WDFY3: variants seen among roughly 807,000 people sequenced by gnomAD.
The protein encoded by WDFY3 is WD repeat and FYVE domain-containing protein 3.
A neutral mutation model predicts 409.6 loss-of-function variants in WDFY3; 66 were observed. That is an observed-to-expected ratio of 0.16 (90% CI 0.13 to 0.20). WDFY3 has a LOEUF of 0.20. WDFY3 is among the 10% of genes least tolerant of loss of function. WDFY3 has a pLI of 1.00. For synonymous variants in WDFY3, 1,521 were observed against 1,537.1 expected (o/e 0.99, Z 0.25); for missense variants, 3,031 against 4,298.1 (o/e 0.71, Z 8.24).
At chr4:84,749,888 G>A (rs998459255) in intron 36 of WDFY3, among the ~76,000 whole-genome samples, 2 of 151,916 alleles carry the variant, frequency 1.3e-5, no homozygotes, top group Non-Finnish European at 2.9e-5. Context: ...CTTACTTCAA[G>A]GTTAATACAT....
intron 27 of WDFY3, among the ~76,000 whole-genome samples, chr4:84,776,079 A>G (rs1745498977): frequency 6.6e-6 from 1 of 152,068 alleles, no homozygotes; most frequent in Non-Finnish European, 1.5e-5. Flanking sequence ...ATGTTTTTTG[A>G]AAATAATTGA....
rs542847754 is a variant in WDFY3 at position 84,893,872 on chromosome 4, C to A, written c.-32+3039G>T. On this transcript the variant is annotated intron_variant, in intron 3 of 67. Transcript: ENST00000295888. ...AGATGTGGTGGCCAGCGCCTGTAAT[C>A]CCAGCTACTCAGGAGGCTGAGGCAG... is the stretch of plus-strand genomic sequence containing the variant. 9.9e-5 allele frequency among the ~76,000 whole-genome samples: 15 copies of A among 152,106 alleles called. 1 individual carries two copies. The South Asian group carries it at 3.1e-3, about 32-fold the overall frequency.
At chr4:84,839,730 C>T (rs1354796044) in intron 6 of WDFY3, among the ~76,000 whole-genome samples, 8 of 151,808 alleles carry the variant, frequency 5.3e-5, no homozygotes, top group Admixed American at 2.0e-4. Context: ...TGGTGGCGCG[C>T]GCCTGTAATC....
At chr4:84,738,863 C>G in intron 40 of WDFY3, 147 bp downstream of exon 40, 1 of 654,216 alleles carries the variant, frequency 1.5e-6, no homozygotes. Flanking sequence ...CTGTTATTGG[C>G]ATGAGGAGAC....
intron 27 of WDFY3, among the ~76,000 whole-genome samples, chr4:84,775,790 A>C (rs770542474): frequency 1.3e-5 from 2 of 151,850 alleles, no homozygotes; most frequent in Non-Finnish European, 2.9e-5. Flanking sequence ...TTAAGTGGAC[A>C]AAGGGGACAA....
At chr4:84,923,681 A>G (rs1769583435) in intron 2 of WDFY3, among the ~76,000 whole-genome samples, 1 of 152,180 alleles carries the variant, frequency 6.6e-6, no homozygotes, top group Admixed American at 6.6e-5. Flanking sequence ...AGCTGGTTCT[A>G]TACACCATGC....
At chr4:84,808,276 C>G in intron 15 of WDFY3, 58 bp downstream of exon 15, 1 of 1,333,696 alleles carries the variant, frequency 7.5e-7, no homozygotes, top group Non-Finnish European at 1.1e-6. Flanking sequence ...CATAAATAAG[C>G]ACAGAAAAAA....
At chr4:84,688,062 A>C in intron 62 of WDFY3, 24 bp downstream of exon 62, 1 of 1,605,956 alleles carries the variant, frequency 6.2e-7, no homozygotes, top group South Asian at 1.1e-5. Flanking sequence ...TTACCTAAAC[A>C]TAAGTGGGCA....
At chr4:84,910,306 C>A (rs988850130) in intron 2 of WDFY3, among the ~76,000 whole-genome samples, 3 of 152,142 alleles carry the variant, frequency 2.0e-5, no homozygotes, top group African/African-American at 7.2e-5. Context: ...GTCCTGAAAT[C>A]AGTCCCCCAC....
rs1326792293 is a variant in WDFY3, at chr4:84,831,447, A to G, written c.735T>C (p.His245=). 1.2e-6 allele frequency: 2 copies of G among 1,613,662 alleles called. No individual in the cohort carries two copies. Among genetic ancestry groups the G allele is most frequent in the African/African-American group, 2.7e-5 (2 of 74,890 alleles). ...AGEVLMTISR[H]GLSVNVVKYI... Reference sequence around the variant, plus strand: ...ACTTCACTACATTGACACTAAGACCATGACGAGATATGGTCATGAGGACTT... The same window carrying G: ...ACTTCACTACATTGACACTAAGACCGTGACGAGATATGGTCATGAGGACTT... Residue 245 remains histidine (H), a synonymous_variant, in exon 8 of 68, where the codon CAT becomes CAC. Coordinates refer to ENST00000295888, the MANE Select transcript of WDFY3 (RefSeq NM_014991.6).
intron 37 of WDFY3, among the ~76,000 whole-genome samples, chr4:84,742,232 G>GA (rs924952890): frequency 6.6e-6 from 1 of 152,190 alleles, no homozygotes; most frequent in African/African-American, 2.4e-5. Flanking sequence ...CCATTTGAGA[G>GA]AAAACGGGCC....
At position 84,796,693 on chromosome 4, in the gene WDFY3, C is replaced by T; in HGVS notation, c.2995G>A (p.Asp999Asn). The T allele has an allele frequency of 6.2e-7, 1 of 1,614,146 alleles. No homozygotes were observed. Among genetic ancestry groups the T allele is most frequent in the Non-Finnish European group, 8.5e-7 (1 of 1,180,006 alleles). Residue 999 changes from aspartate to asparagine, a missense_variant, in exon 19 of 68, where the codon GAT (aspartate) becomes AAT (asparagine). Asp to Asn is a conservative substitution (Grantham distance 23). Coordinates refer to ENST00000295888, the MANE Select transcript of WDFY3 (RefSeq NM_014991.6). Reference protein sequence around the residue: ...GTDNVFSLHEDNHYRISKSLV... With the variant: ...GTDNVFSLHENNHYRISKSLV... The stretch of plus-strand genomic sequence containing the variant: ...CTCTTGCTTATCCGGTAATGGTTAT[C>T]TTCATGTAAGCTAAAAACATTATCA...
intron 2 of WDFY3, among the ~76,000 whole-genome samples, chr4:84,919,929 C>G (rs914265337): frequency 1.3e-5 from 2 of 152,122 alleles, no homozygotes; most frequent in African/African-American, 4.8e-5. Context: ...AACGGCAGAA[C>G]AGTCAGTACC....
At chr4:84,697,085 G>A (rs141463338) in intron 56 of WDFY3, among the ~76,000 whole-genome samples, 5 of 152,294 alleles carry the variant, frequency 3.3e-5, no homozygotes, top group East Asian at 1.9e-4. Flanking sequence ...TATACCAAGC[G>A]AAACATGCTT....
intron 56 of WDFY3, among the ~76,000 whole-genome samples, chr4:84,699,663 C>T (rs1451265588): frequency 6.6e-6 from 1 of 152,102 alleles, no homozygotes. Context: ...TTTATGCTCC[C>T]ACCAGCAATG....
intron 36 of WDFY3, among the ~76,000 whole-genome samples, chr4:84,749,640 G>C (rs1256810677): frequency 6.6e-6 from 1 of 152,144 alleles, no homozygotes; most frequent in Non-Finnish European, 1.5e-5. Flanking sequence ...CAGCTACCAA[G>C]AACTTATCAA....
At chr4:84,916,290 C>T (rs1009463966) in intron 2 of WDFY3, among the ~76,000 whole-genome samples, 5 of 152,102 alleles carry the variant, frequency 3.3e-5, no homozygotes, top group Admixed American at 3.3e-4. Context: ...CAGCAACATC[C>T]TCCCATCATT....
intron 32 of WDFY3, among the ~76,000 whole-genome samples, chr4:84,760,535 G>C (rs1373011269): frequency 6.6e-6 from 1 of 152,188 alleles, no homozygotes; most frequent in Non-Finnish European, 1.5e-5. Context: ...AGTCTTGGGA[G>C]AGTGTATGTG....
At chr4:84,720,148 AAG>A (rs1358957709) in intron 47 of WDFY3, among the ~76,000 whole-genome samples, 2 of 152,210 alleles carry the variant, frequency 1.3e-5, no homozygotes, top group Non-Finnish European at 2.9e-5. Flanking sequence ...AGATAGAGAT[AAG>A]ACACAGTTTG....
Sources: gnomAD v4.1 joint callset for allele counts (sites outside exome capture counted in the v4.1 genomes callset) on GRCh38, gnomAD v4.1.1 for gene constraint, MANE v1.5 for transcripts, NCBI Gene and HGNC (gene_info 2026-07-23, HGNC 2026-07-21) for gene names.